The following CC2D2B variants were observed in gnomAD, a reference collection of about 807,000 sequenced individuals.
The protein encoded by CC2D2B is protein CC2D2B.
A neutral mutation model predicts 161.2 loss-of-function variants in CC2D2B; 128 were observed. That is an observed-to-expected ratio of 0.79 (90% confidence interval 0.69 to 0.92). CC2D2B has a LOEUF of 0.92. CC2D2B is among the 40% of genes least tolerant of loss of function. CC2D2B has a pLI of 0.00. For synonymous variants in CC2D2B, 391 were observed against 449.8 expected (o/e 0.87, Z 1.65); for missense variants, 1,173 against 1,375.1 (o/e 0.85, Z 2.32).
At chr10:95,993,940 G>C in intron 22 of CC2D2B, among the ~76,000 whole-genome samples, 1 of 26,300 alleles carries the variant, frequency 3.8e-5, no homozygotes, top group South Asian at 1.4e-3. Context: ...GTGTGTGTGT[G>C]TGTATGTATG....
chr10:95,958,538 C>A (rs1279347597), intron 11 of CC2D2B, among the ~76,000 whole-genome samples: 2 of 132,286 alleles, frequency 1.5e-5, no homozygotes, highest in African/African-American at 5.7e-5. Flanking sequence ...CACATATAAA[C>A]AAAATGGAAG....
At chr10:95,910,323 T>G (rs1057250389) in intron 1 of CC2D2B, among the ~76,000 whole-genome samples, 4 of 152,206 alleles carry the variant, frequency 2.6e-5, no homozygotes, top group African/African-American at 9.7e-5. Context: ...GAAAAGAGTT[T>G]TAATTGGCTC....
rs185046046 is a variant in CC2D2B at position 95,961,670 on chromosome 10, T to C, written c.1110-159T>C. 9.3e-4 allele frequency: 369 copies of C among 397,912 alleles called. 3 individuals carry two copies. The Admixed American group carries it at 0.014, about 15-fold the overall frequency. 24.6% of individuals were successfully genotyped at this position (397,912 alleles called of 1,614,324 possible). A position where few individuals can be genotyped will look rare whatever the true frequency, so the allele number is the denominator to read the frequency against. The stretch of plus-strand genomic sequence containing the variant: ...TCTAATGGAATTGCAGTGGGTAACA[T>C]AAAATATAGTAAGATGGCGTTCAGA... On this transcript the variant is annotated intron_variant, in intron 11 of 34. Transcript: ENST00000646931.
At position 95,974,239 on chromosome 10, in the gene CC2D2B, T is replaced by C. The variant is rs1047359418; in HGVS notation, c.1943+83T>C. 5 of 724,408 alleles carry C rather than the reference T, an allele frequency of 6.9e-6. No individual in the cohort carries two copies. In the African/African-American group the frequency reaches 9.2e-5, roughly 13 times the overall value. 44.9% of individuals were successfully genotyped at this position (724,408 alleles called of 1,614,324 possible). ...ACATATTATGTGTAAAAGAGAAAACTTGAGCAGCAATAGGAAGAGTTTAGT... is the reference window on the plus strand; with the variant it reads ...ACATATTATGTGTAAAAGAGAAAACCTGAGCAGCAATAGGAAGAGTTTAGT... On this transcript the variant is annotated intron_variant, in intron 17 of 34. Coordinates refer to ENST00000646931, the MANE Select transcript of CC2D2B (RefSeq NM_001349008.3).
chr10:96,000,209 A>C, intron 24 of CC2D2B: 1 of 1,320,888 alleles, frequency 7.6e-7, no homozygotes, highest in Non-Finnish European at 9.7e-7. Context: ...GAGAACATAC[A>C]TCAGGTGCCT....
At chr10:95,939,212 G>A (rs1268971267) in intron 9 of CC2D2B, among the ~76,000 whole-genome samples, 1 of 152,054 alleles carries the variant, frequency 6.6e-6, no homozygotes, top group African/African-American at 2.4e-5. Flanking sequence ...ACTCAAGGTA[G>A]CCACTATTAT....
At chr10:96,030,925 T>C (rs1301432070) in intron 34 of CC2D2B, among the ~76,000 whole-genome samples, 1 of 152,348 alleles carries the variant, frequency 6.6e-6, no homozygotes, top group East Asian at 1.9e-4. Context: ...CTCAGTAGCT[T>C]TGACCTAGGG....
At chr10:95,991,146 C>CA (rs201592302) in intron 20 of CC2D2B, among the ~76,000 whole-genome samples, 294 of 151,128 alleles carry the variant, frequency 1.9e-3, no homozygotes, top group Admixed American at 3.6e-3. Flanking sequence ...TGTAGAAAGA[C>CA]AAAAAAAAGT....
intron 17 of CC2D2B, among the ~76,000 whole-genome samples, chr10:95,980,153 A>G (rs1338475148): frequency 6.7e-6 from 1 of 149,194 alleles, no homozygotes; most frequent in Non-Finnish European, 1.5e-5. Flanking sequence ...GAAATCTTCA[A>G]TCGAAAAGAA....
chr10:95,943,125 G>C (rs952703908), intron 9 of CC2D2B, among the ~76,000 whole-genome samples: 2 of 152,142 alleles, frequency 1.3e-5, no homozygotes, highest in Admixed American at 1.3e-4. Context: ...CTGGGAACTA[G>C]ATTCCTGCAG....
chr10:96,021,101 A>T (rs547167166), intron 32 of CC2D2B: 2 of 152,340 alleles, frequency 1.3e-5, no homozygotes, highest in Admixed American at 1.3e-4. Flanking sequence ...GGCAAAAAAA[A>T]ATGTGTGATC....
intron 17 of CC2D2B, among the ~76,000 whole-genome samples, chr10:95,981,511 T>A (rs2077530080): frequency 6.6e-6 from 1 of 152,184 alleles, no homozygotes; most frequent in South Asian, 2.1e-4. Flanking sequence ...TGTAAATATG[T>A]AGCCTAAATG....
At chr10:95,944,190 C>T (rs1475966002) in intron 9 of CC2D2B, among the ~76,000 whole-genome samples, 1 of 152,132 alleles carries the variant, frequency 6.6e-6, no homozygotes, top group Non-Finnish European at 1.5e-5. Flanking sequence ...TAAAGACTGA[C>T]AGAAGTTCAC....
chr10:95,952,700 T>C (rs559258545), intron 10 of CC2D2B, among the ~76,000 whole-genome samples: 13 of 152,236 alleles, frequency 8.5e-5, no homozygotes, highest in African/African-American at 2.9e-4. Flanking sequence ...AAATTAATAC[T>C]CTATCTTGGA....
chr10:96,003,021 A>AT (rs2078571748), intron 24 of CC2D2B, among the ~76,000 whole-genome samples: 4 of 140,708 alleles, frequency 2.8e-5, no homozygotes, highest in East Asian at 2.0e-4. Context: ...AAAATAAATA[A>AT]ATATATATAT....
chr10:95,946,075 C>T (rs955864469), intron 9 of CC2D2B, among the ~76,000 whole-genome samples: 1 of 152,170 alleles, frequency 6.6e-6, no homozygotes. Flanking sequence ...TGAGCCACCA[C>T]GCCCAGCGGA....
intron 17 of CC2D2B, among the ~76,000 whole-genome samples, chr10:95,979,170 G>GT (rs2077420627): frequency 6.8e-6 from 1 of 148,068 alleles, no homozygotes; most frequent in Non-Finnish European, 1.5e-5. Context: ...TGGGTTTTTG[G>GT]TGTTTTTTTT....
chr10:95,909,699 C>T (rs2098502644), intron 1 of CC2D2B, among the ~76,000 whole-genome samples: 1 of 152,186 alleles, frequency 6.6e-6, no homozygotes, highest in Non-Finnish European at 1.5e-5. Context: ...ACCATTTCCA[C>T]ATGCTAGAGG....
intron 26 of CC2D2B, among the ~76,000 whole-genome samples, chr10:96,011,928 G>C (rs1046672234): frequency 2.6e-5 from 4 of 152,162 alleles, no homozygotes; most frequent in African/African-American, 9.6e-5. Context: ...ATCGTAACTT[G>C]CTTCTTTGTT....
Sources: gnomAD v4.1 joint callset for allele counts (sites outside exome capture counted in the v4.1 genomes callset) on GRCh38, gnomAD v4.1.1 for gene constraint, MANE v1.5 for transcripts, NCBI Gene and HGNC (gene_info 2026-07-23, HGNC 2026-07-21) for gene names.